The following NUDT5 variants were observed in gnomAD, a reference collection of about 807,000 sequenced individuals.
NUDT5 encodes nudix hydrolase 5, also known as ADP-sugar pyrophosphatase.
NUDT5 carries 21 observed loss-of-function variants against 34.1 expected under a neutral mutation model. The ratio of observed to expected loss-of-function variants is 0.62; its 90% CI spans 0.44 to 0.89. The LOEUF (loss-of-function observed/expected upper bound fraction) is 0.89, where lower values mean the gene tolerates loss of function less well. Ranked by LOEUF, NUDT5 falls within the 40% of genes least tolerant of loss-of-function variation. The probability of loss-of-function intolerance (pLI) is 0.00; values close to 1 mark genes in which losing one functional copy is unlikely to be tolerated. For synonymous variants in NUDT5, 85 were observed against 97.6 expected (o/e 0.87, Z 0.76); for missense variants, 249 against 274.8 (o/e 0.91, Z 0.66).
chr10:12,170,123 T>A lies in NUDT5; in HGVS notation c.550+594A>T. 6.2e-7 allele frequency: 1 copy of A among 1,612,480 alleles called. No homozygotes were observed. The highest frequency in any genetic ancestry group is 2.2e-5 in the East Asian group (1 of 44,874). The stretch of plus-strand genomic sequence containing the variant: ...TCCTCTCGTGGTTTTATCAAAGGAC[T>A]TTTCTCCCCATAAGCTTACTGTTTA... On this transcript the variant is annotated intron_variant, in intron 9 of 9. Transcript: ENST00000491614. This position sits in a 1 kb window ranked among gnomAD's most constrained non-coding sequence, Gnocchi z 4.9.
In NUDT5 at chr10:12,170,604, G is replaced by T; in HGVS notation, c.550+113C>A. 2.0e-6 allele frequency: 2 copies of T among 1,020,886 alleles called. No individual in the cohort carries two copies. The highest frequency in any genetic ancestry group is 2.6e-5 in the South Asian group (2 of 75,484). The allele number at this position is 1,020,886 out of a possible 1,614,324, so 63.2% of individuals were successfully genotyped here. A position where few individuals can be genotyped will look rare whatever the true frequency, so the allele number is the denominator to read the frequency against. On this transcript the variant is annotated intron_variant, in intron 9 of 9. Transcript: ENST00000491614. This position sits in a 1 kb window ranked among gnomAD's most constrained non-coding sequence, Gnocchi z 4.9. ...CAGTTTTACAAGTTGCTAGGCATTT[G>T]ACTTTAGTGATACAAAAAAGATAAA...
Position 12,170,133 on chromosome 10 carries a change from A to G in NUDT5, c.550+584T>C, listed in dbSNP as rs1414012850. The stretch of plus-strand genomic sequence containing the variant: ...GTTTTATCAAAGGACTTTTCTCCCC[A>G]TAAGCTTACTGTTTACAAAGTCTCT... On this transcript the variant is annotated intron_variant, in intron 9 of 9. Transcript: ENST00000491614. The surrounding 1 kb of genome is among the most constrained non-coding windows in gnomAD (Gnocchi z 4.9). The G allele has an allele frequency of 1.2e-6, 2 of 1,612,474 alleles. No individual in the cohort carries two copies. The highest frequency in any genetic ancestry group is 1.7e-5 in the Admixed American group (1 of 59,998).
rs2131714167 is a variant in NUDT5, at chr10:12,186,263, G to A, written c.29C>T (p.Ser10Phe). 1.2e-6 allele frequency: 2 copies of A among 1,614,046 alleles called. No individual in the cohort carries two copies. The highest frequency in any genetic ancestry group is 4.5e-5 in the East Asian group (2 of 44,890). ...AATGATATACTGTTTGCCATTCTGAGAAGATTCCGTTGGTTCTTGGCTCTC... is the reference window on the plus strand; with the variant it reads ...AATGATATACTGTTTGCCATTCTGAAAAGATTCCGTTGGTTCTTGGCTCTC... MESQEPTESSQNGKQYIISE... is the reference protein window; with the variant it reads MESQEPTESFQNGKQYIISE... The change falls in exon 2 of 10, where the codon TCT becomes TTT. Residue 10 changes from serine (S) to phenylalanine (F), a missense_variant. Coordinates refer to ENST00000491614, the MANE Select transcript of NUDT5 (RefSeq NM_014142.4).
rs745968391 is a variant in NUDT5, at chr10:12,173,820, G to C, written c.290-7C>G. ...TCACCATCATCTATGAGACCTGCAAGTCCAAATCATTGGTGTGATGGGAGC... is the reference window on the plus strand; with the variant it reads ...TCACCATCATCTATGAGACCTGCAACTCCAAATCATTGGTGTGATGGGAGC... On this transcript the variant is annotated splice_region_variant and splice_polypyrimidine_tract_variant and intron_variant, in intron 5 of 9. Coordinates refer to ENST00000491614, the MANE Select transcript of NUDT5 (RefSeq NM_014142.4). The surrounding 1 kb of genome is among the most constrained non-coding windows in gnomAD (Gnocchi z 4.7). 1 of 1,605,150 alleles carries C rather than the reference G, an allele frequency of 6.2e-7. No homozygotes were observed. Among genetic ancestry groups the C allele is most frequent in the Non-Finnish European group, 8.5e-7 (1 of 1,172,434 alleles).
chr10:12,180,105 A>G (rs1201787015), intron 3 of NUDT5, among the ~76,000 whole-genome samples: 1 of 152,204 alleles, frequency 6.6e-6, no homozygotes, highest in African/African-American at 2.4e-5. Context: ...CCTCCTGCTC[A>G]TGCTTCCTAT....
intron 3 of NUDT5, among the ~76,000 whole-genome samples, chr10:12,179,449 G>A (rs1174814573): frequency 1.3e-5 from 2 of 152,268 alleles, no homozygotes; most frequent in South Asian, 4.2e-4. Context: ...TCTGGGCAAG[G>A]AGCACAGCCA....
At chr10:12,189,465 G>C (rs1835185847) in intron 1 of NUDT5, among the ~76,000 whole-genome samples, 1 of 152,178 alleles carries the variant, frequency 6.6e-6, no homozygotes, top group Admixed American at 6.5e-5. Flanking sequence ...GTATCGTGCA[G>C]CAATCCACTG....
intron 5 of NUDT5, among the ~76,000 whole-genome samples, chr10:12,176,209 AAAT>A (rs1834947668): frequency 1.3e-5 from 2 of 151,846 alleles, no homozygotes; most frequent in Non-Finnish European, 2.9e-5. Context: ...AAAAATAAAA[AAAT>A]AAAAAAAAAG....
rs1243515419 is a variant in NUDT5 at position 12,171,014 on chromosome 10, C to A, written c.488-106G>T. ...AAGGCTTTGAGAATTTCACAGAAGC[C>A]TGGGTTTCTGCTAACTTAATTTATA... is the stretch of plus-strand genomic sequence containing the variant. On this transcript the variant is annotated intron_variant, in intron 7 of 9. Coordinates refer to ENST00000491614, the MANE Select transcript of NUDT5 (RefSeq NM_014142.4). The surrounding 1 kb of genome is among the most constrained non-coding windows in gnomAD (Gnocchi z 4.2). 1.1e-5 allele frequency: 13 copies of A among 1,183,504 alleles called. No homozygotes were observed. The highest frequency in any genetic ancestry group is 3.6e-6 in the Non-Finnish European group (3 of 824,178). 73.3% of individuals were successfully genotyped at this position (1,183,504 alleles called of 1,614,324 possible).
At chr10:12,184,550 AAC>A (rs1391690038) in intron 3 of NUDT5, 1 of 1,525,598 alleles carries the variant, frequency 6.6e-7, no homozygotes, top group African/African-American at 1.4e-5. Flanking sequence ...AGAAATTAAA[AAC>A]AGATTTTACT....
At chr10:12,193,026 T>G (rs1996525) in intron 1 of NUDT5, among the ~76,000 whole-genome samples, 55,350 of 151,700 alleles carry the variant, frequency 0.36, 10,980 homozygotes, top group African/African-American at 0.52. Context: ...TACTTGGTGA[T>G]CTCCAGGAAT....
intron 7 of NUDT5, among the ~76,000 whole-genome samples, chr10:12,172,111 T>C (rs544115225): frequency 6.6e-6 from 1 of 152,318 alleles, no homozygotes; most frequent in South Asian, 2.1e-4. Context: ...AGAATATCAC[T>C]GATACTGATT....
At position 12,172,540 on chromosome 10, in the gene NUDT5, T is replaced by C. The variant is rs1834875291; in HGVS notation, c.487+225A>G. ...TTCATATAGAAAACAGGGAAATATGTCATTTAACATTTTTTTACAAAGAAA... is the reference window on the plus strand; with the variant it reads ...TTCATATAGAAAACAGGGAAATATGCCATTTAACATTTTTTTACAAAGAAA... On this transcript the variant is annotated intron_variant, in intron 7 of 9. Transcript: ENST00000491614. 6.9e-6 allele frequency: 4 copies of C among 578,670 alleles called. No individual in the cohort carries two copies. In the African/African-American group the frequency reaches 7.5e-5, roughly 11 times the overall value. 35.8% of individuals were successfully genotyped at this position (578,670 alleles called of 1,614,324 possible). A position where few individuals can be genotyped will look rare whatever the true frequency, so the allele number is the denominator to read the frequency against.
At chr10:12,186,104 A>T (rs1298044987) in intron 2 of NUDT5, 125 bp downstream of exon 2, 5 of 776,226 alleles carry the variant, frequency 6.4e-6, no homozygotes, top group Non-Finnish European at 1.1e-5. Flanking sequence ...CAAAAAAGGG[A>T]GTAGGAAAAA....
rs1244878318 is a variant in NUDT5, at chr10:12,173,531, C to T, written c.385+187G>A. 5.3e-5 allele frequency among the ~76,000 whole-genome samples: 8 copies of T among 152,274 alleles called. No individual in the cohort carries two copies. In the East Asian group the frequency reaches 1.5e-3, roughly 29 times the overall value. ...AGGCAATTTAATTTCATTAATTCTCCCCCAACTTCAGGCCCTTCTGGCTCC... is the reference window on the plus strand; with the variant it reads ...AGGCAATTTAATTTCATTAATTCTCTCCCAACTTCAGGCCCTTCTGGCTCC... On this transcript the variant is annotated intron_variant, in intron 6 of 9. Coordinates refer to ENST00000491614, the MANE Select transcript of NUDT5 (RefSeq NM_014142.4). This position sits in a 1 kb window ranked among gnomAD's most constrained non-coding sequence, Gnocchi z 4.7.
rs941065614 is a variant in NUDT5, at chr10:12,170,045, TACAGTATCTCCTCGTCTCCAC to T, written c.550+651_550+671del. 4.0e-5 allele frequency: 60 copies of T among 1,506,822 alleles called. No homozygotes were observed. Among genetic ancestry groups the T allele is most frequent in the Non-Finnish European group, 5.2e-5 (56 of 1,084,774 alleles). The allele number at this position is 1,506,822 out of a possible 1,614,324, so 93.3% of individuals were successfully genotyped here. A position where few individuals can be genotyped will look rare whatever the true frequency, so the allele number is the denominator to read the frequency against. ...TTGAAGGGCCCATGGTATGTCTCCATACAGTATCTCCTCGTCTCCACACAGTATCTCCTCATGTCTCCATAC... is the reference window on the plus strand; with the variant it reads ...TTGAAGGGCCCATGGTATGTCTCCATACAGTATCTCCTCATGTCTCCATAC... On this transcript the variant is annotated intron_variant, in intron 9 of 9. Transcript: ENST00000491614. The surrounding 1 kb of genome is among the most constrained non-coding windows in gnomAD (Gnocchi z 4.9).
In NUDT5 at chr10:12,177,815, G is replaced by A. The variant is rs1019826421; in HGVS notation, c.267C>T (p.Gly89=). 2 of 1,613,574 alleles carry A rather than the reference G, an allele frequency of 1.2e-6. No homozygotes were observed. Among genetic ancestry groups the A allele is most frequent in the Non-Finnish European group, 1.7e-6 (2 of 1,179,586 alleles). Residue 89 remains glycine, a synonymous_variant, in exon 5 of 10, where the codon GGC becomes GGT. Transcript: ENST00000491614. The part of the protein sequence containing the change: ...LVKQFRPPMG[G]YCIEFPAGLI... ...CACCTGCAGGGAACTCTATGCAGTA[G>A]CCCCCCATTGGTGGTCGGAACTGTT... is the stretch of plus-strand genomic sequence containing the variant.
chr10:12,189,712 C>G (rs1243214170), intron 1 of NUDT5, among the ~76,000 whole-genome samples: 1 of 152,192 alleles, frequency 6.6e-6, no homozygotes, highest in African/African-American at 2.4e-5. Context: ...GCTTTGTAAG[C>G]CAGCGTCTCC....
intron 2 of NUDT5, 109 bp from the exon 3 acceptor site, chr10:12,185,065 C>A: frequency 1.6e-6 from 1 of 644,530 alleles, no homozygotes; most frequent in East Asian, 2.8e-5. Flanking sequence ...TCCCAATAAT[C>A]ATCTTTCCTT....
Sources: gnomAD v4.1 joint callset for allele counts (sites outside exome capture counted in the v4.1 genomes callset) on GRCh38, gnomAD v4.1.1 for gene constraint, Gnocchi (gnomAD v3.1) non-coding constraint, MANE v1.5 for transcripts, NCBI Gene and HGNC (gene_info 2026-07-23, HGNC 2026-07-21) for gene names.